RNF212B: variants seen among roughly 807,000 people sequenced by gnomAD.
RNF212B encodes E3 ubiquitin-protein ligase RNF212B.
RNF212B carries 52 observed loss-of-function variants against 55.5 expected under a neutral mutation model. The ratio of observed to expected loss-of-function variants is 0.94; its 90% CI spans 0.75 to 1.18. The LOEUF is 1.18. Ranked by LOEUF, RNF212B falls within the 50% of genes most tolerant of loss-of-function variation. The pLI, the probability that RNF212B is intolerant of heterozygous loss-of-function variation, is 0.00. For synonymous variants in RNF212B, 99 were observed against 121.4 expected (o/e 0.82, Z 1.21); for missense variants, 289 against 350.4 (o/e 0.82, Z 1.40).
intron 4 of RNF212B, among the ~76,000 whole-genome samples, chr14:23,247,333 A>G (rs1884059664): frequency 6.6e-6 from 1 of 152,118 alleles, no homozygotes. Context: ...GAATTGTGCA[A>G]ACACTACTGC....
At chr14:23,226,226 A>C (rs1418917943) in intron 2 of RNF212B, among the ~76,000 whole-genome samples, 3 of 145,280 alleles carry the variant, frequency 2.1e-5, no homozygotes, top group Non-Finnish European at 4.5e-5. Flanking sequence ...TGAACCCAGG[A>C]GGCGGAGGTT....
intron 1 of RNF212B, among the ~76,000 whole-genome samples, chr14:23,238,697 A>G (rs1047921996): frequency 2.0e-5 from 3 of 151,356 alleles, no homozygotes; most frequent in Non-Finnish European, 4.4e-5. Flanking sequence ...CTGATCTGCC[A>G]CTGCACTCCA....
chr14:23,193,568 A>G (rs1038691610), intron 2 of RNF212B, among the ~76,000 whole-genome samples: 4 of 152,184 alleles, frequency 2.6e-5, no homozygotes, highest in Non-Finnish European at 5.9e-5. Context: ...CCTGGAACAT[A>G]GTACCCAGGG....
chr14:23,217,637 C>T (rs1035310084), intron 2 of RNF212B, among the ~76,000 whole-genome samples: 1 of 152,070 alleles, frequency 6.6e-6, no homozygotes, highest in African/African-American at 2.4e-5. Flanking sequence ...GCTTGGTAAT[C>T]CATAGAATTC....
Position 23,262,936 on chromosome 14 carries a change from C to T in RNF212B, c.490C>T (p.Arg164Ter), listed in dbSNP as rs907446374. Reference sequence around the variant, plus strand: ...ACTTTATTCTCTTTCAGTTACCCCACGACCCAGTTTCCAGCATAGCAGTCA... The same window carrying T: ...ACTTTATTCTCTTTCAGTTACCCCATGACCCAGTTTCCAGCATAGCAGTCA... ...ITSPSQSVTP[R>*]PSFQHSSQVV... Residue 164 changes from arginine to a stop codon, truncating the protein, a stop_gained, in exon 9 of 15, where the codon CGA becomes TGA. Coordinates refer to ENST00000430154, the MANE Select transcript of RNF212B (RefSeq NM_001282322.3). LOFTEE classifies it high-confidence loss of function. 20 of 1,550,394 alleles carry T rather than the reference C, an allele frequency of 1.3e-5. No homozygotes were observed. Among genetic ancestry groups the T allele is most frequent in the African/African-American group, 9.6e-5 (7 of 73,042 alleles).
upstream of RNF212B, among the ~76,000 whole-genome samples, chr14:23,236,071 G>A (rs183396587): frequency 1.3e-5 from 2 of 152,184 alleles, no homozygotes; most frequent in East Asian, 1.9e-4. Flanking sequence ...CCAAAACAGC[G>A]TACTGCAAAA....
intron 2 of RNF212B, among the ~76,000 whole-genome samples, chr14:23,210,269 C>T (rs1456133380): frequency 2.6e-5 from 4 of 152,166 alleles, no homozygotes; most frequent in Admixed American, 6.5e-5. Context: ...TCCTTAAAAC[C>T]GTCAAGCTCA....
chr14:23,244,317 C>T lies in RNF212B; in HGVS notation c.154-5C>T, dbSNP rs565074051. 39 of 1,527,970 alleles carry T rather than the reference C, an allele frequency of 2.6e-5. 1 individual carries two copies. The highest frequency in any genetic ancestry group is 2.3e-4 in the South Asian group (19 of 82,494). The allele number at this position is 1,527,970 out of a possible 1,614,324, so 94.7% of individuals were successfully genotyped here. A position where few individuals can be genotyped will look rare whatever the true frequency, so the allele number is the denominator to read the frequency against. On this transcript the variant is annotated splice_polypyrimidine_tract_variant and splice_region_variant and intron_variant, in intron 3 of 14. Coordinates refer to ENST00000430154, the MANE Select transcript of RNF212B (RefSeq NM_001282322.3). Reference sequence around the variant, plus strand: ...TTCTCACAGTGTGTATTGCTCTCTTCGTAGCTGAAGCCTCAGGAGAAGATG... The same window carrying T: ...TTCTCACAGTGTGTATTGCTCTCTTTGTAGCTGAAGCCTCAGGAGAAGATG...
intron 8 of RNF212B, 45 bp from the exon 9 acceptor site, chr14:23,262,883 T>C (rs11626235): frequency 0.51 from 785,696 of 1,536,876 alleles, 205,554 homozygotes; most frequent in African/African-American, 0.78. Flanking sequence ...AAGGCAGGCA[T>C]ACCATTGATG....
intron 2 of RNF212B, among the ~76,000 whole-genome samples, chr14:23,217,262 G>A (rs2877536): frequency 0.48 from 72,563 of 151,440 alleles, 18,165 homozygotes; most frequent in East Asian, 0.62. Context: ...TGGTGGGGGG[G>A]GGGCTCCTCT....
chr14:23,198,772 C>T (rs1016311356), intron 2 of RNF212B, among the ~76,000 whole-genome samples: 1 of 151,954 alleles, frequency 6.6e-6, no homozygotes, highest in Admixed American at 6.6e-5. Flanking sequence ...AACGGCTTTA[C>T]ATATGTACTG....
At chr14:23,205,694 T>C (rs1879768847) in intron 2 of RNF212B, among the ~76,000 whole-genome samples, 1 of 152,174 alleles carries the variant, frequency 6.6e-6, no homozygotes, top group African/African-American at 2.4e-5. Context: ...ACAAAGACAA[T>C]AACAGTCCTT....
chr14:23,212,097 T>C (rs1293822852), intron 2 of RNF212B, among the ~76,000 whole-genome samples: 1 of 152,170 alleles, frequency 6.6e-6, no homozygotes, highest in Admixed American at 6.5e-5. Flanking sequence ...ATCCTGACTT[T>C]AAAAAAATCT....
intron 7 of RNF212B, 149 bp downstream of exon 7, chr14:23,260,836 G>A (rs1885242300): frequency 1.4e-6 from 1 of 729,110 alleles, no homozygotes; most frequent in South Asian, 1.8e-5. Flanking sequence ...TGAAAGTGCC[G>A]AAGTAAAATC....
At position 23,232,212 on chromosome 14, in the gene RNF212B, G is replaced by A. The variant is rs140934507; in HGVS notation, c.-1-8133G>A. Among the ~76,000 whole-genome samples, 343 of 149,868 alleles carry A rather than the reference G, an allele frequency of 2.3e-3. 1 individual carries two copies. The highest frequency in any genetic ancestry group is 7.7e-3 in the African/African-American group (312 of 40,614). On this transcript the variant is annotated intron_variant, in intron 2 of 15. Coordinates refer to the RNF212B transcript ENST00000399910. ...TAAGAAGTGAGGAGCGTCTCTGCCC[G>A]GCTGCCCATCGTCTGAGATGTGGGG...
intron 4 of RNF212B, among the ~76,000 whole-genome samples, chr14:23,248,085 G>A (rs1316685017): frequency 6.6e-6 from 1 of 152,094 alleles, no homozygotes; most frequent in Non-Finnish European, 1.5e-5. Flanking sequence ...CATGGCAAAA[G>A]TGGCAAACAG....
intron 2 of RNF212B, among the ~76,000 whole-genome samples, chr14:23,227,267 A>G (rs1346955056): frequency 6.6e-6 from 1 of 151,726 alleles, no homozygotes; most frequent in Non-Finnish European, 1.5e-5. Flanking sequence ...TTCGTTGATC[A>G]GGGAATGGAG....
At chr14:23,206,999 TACAC>T (rs983442502) in intron 2 of RNF212B, among the ~76,000 whole-genome samples, 5 of 151,858 alleles carry the variant, frequency 3.3e-5, no homozygotes, top group African/African-American at 7.3e-5. Flanking sequence ...CATGCACACA[TACAC>T]ACACACATCT....
At chr14:23,221,058 A>T (rs1881525155) in intron 2 of RNF212B, among the ~76,000 whole-genome samples, 2 of 151,806 alleles carry the variant, frequency 1.3e-5, no homozygotes, top group Non-Finnish European at 2.9e-5. Flanking sequence ...GGCTGAATGG[A>T]TGAAAAAAAG....
Sources: allele counts gnomAD v4.1 joint callset (sites outside exome capture counted in the v4.1 genomes callset), GRCh38; gene constraint gnomAD v4.1.1; transcripts MANE v1.5; gene names NCBI Gene and HGNC (gene_info 2026-07-23, HGNC 2026-07-21).